NCKAP5: variants seen among roughly 807,000 people sequenced by gnomAD.
The protein encoded by NCKAP5 is nck-associated protein 5.
In NCKAP5, 92 loss-of-function variants were observed where a neutral mutation model predicts 167.0. The ratio of observed to expected loss-of-function variants is 0.55; its 90% CI spans 0.47 to 0.66. NCKAP5 has a LOEUF of 0.66. Ranked by LOEUF, NCKAP5 falls within the 30% of genes least tolerant of loss-of-function variation. NCKAP5 has a pLI of 0.00. For synonymous variants in NCKAP5, 891 were observed against 877.4 expected (o/e 1.02, Z -0.27); for missense variants, 2,378 against 2,315.0 (o/e 1.03, Z -0.56).
intron 16 of NCKAP5, among the ~76,000 whole-genome samples, chr2:132,732,737 T>C (rs1025756450): frequency 3.3e-5 from 5 of 152,224 alleles, no homozygotes; most frequent in African/African-American, 1.2e-4. Context: ...AACACATAAA[T>C]TGAAGTGACG....
rs533823912 is a variant in NCKAP5 at position 133,303,263 on chromosome 2, T to C, written c.70-153A>G. Among the ~76,000 whole-genome samples, 4 of 152,348 alleles carry C rather than the reference T, an allele frequency of 2.6e-5. No individual in the cohort carries two copies. In the South Asian group the frequency reaches 6.2e-4, roughly 24 times the overall value. ...TCTCTGCTTCTATGACTTGCAATCA[T>C]ATGTAAATACTATTTTTTCATGTCC... On this transcript the variant is annotated intron_variant, in intron 3 of 19. Transcript: ENST00000409261.
chr2:133,187,824 T>G (rs1284761592), intron 5 of NCKAP5, among the ~76,000 whole-genome samples: 2 of 152,094 alleles, frequency 1.3e-5, no homozygotes, highest in Non-Finnish European at 2.9e-5. Context: ...GTTTTCCATT[T>G]GCTTGGTAGA....
chr2:133,201,527 AGT>A (rs2085686816), intron 5 of NCKAP5, among the ~76,000 whole-genome samples: 1 of 152,202 alleles, frequency 6.6e-6, no homozygotes, highest in South Asian at 2.1e-4. Flanking sequence ...TATTACATAA[AGT>A]ATATCAATGA....
chr2:133,109,506 T>C (rs923459279), intron 6 of NCKAP5, among the ~76,000 whole-genome samples: 1 of 152,146 alleles, frequency 6.6e-6, no homozygotes, highest in Non-Finnish European at 1.5e-5. Flanking sequence ...CCGAAGGATA[T>C]ATAGGAAGTA....
intron 5 of NCKAP5, among the ~76,000 whole-genome samples, chr2:133,148,372 T>C (rs1055897020): frequency 6.6e-6 from 1 of 152,156 alleles, no homozygotes; most frequent in Non-Finnish European, 1.5e-5. Context: ...AAGAGTTTGT[T>C]ATTTAATTAA....
intron 11 of NCKAP5, among the ~76,000 whole-genome samples, chr2:132,815,695 G>GC (rs1252738698): frequency 3.3e-5 from 5 of 152,100 alleles, no homozygotes; most frequent in Non-Finnish European, 5.9e-5. Context: ...TATTCAAAAA[G>GC]CCAATGGTTG....
At chr2:133,226,999 G>A (rs1371072362) in intron 4 of NCKAP5, among the ~76,000 whole-genome samples, 1 of 152,350 alleles carries the variant, frequency 6.6e-6, no homozygotes, top group South Asian at 2.1e-4. Context: ...TCCAAGCAAA[G>A]TGTGATGTAT....
chr2:133,577,382 C>T, the NCKAP5 span, among the ~76,000 whole-genome samples: 1 of 152,144 alleles, frequency 6.6e-6, no homozygotes, highest in Non-Finnish European at 1.5e-5. Context: ...AGGAAGACCC[C>T]TATAGCATTG....
intron 11 of NCKAP5, among the ~76,000 whole-genome samples, chr2:132,858,822 A>G (rs905029287): frequency 1.2e-4 from 18 of 152,200 alleles, no homozygotes; most frequent in Non-Finnish European, 2.5e-4. Context: ...AATTTGTGAC[A>G]GCCAATGAAA....
chr2:133,277,923 G>T (rs1281183231), intron 4 of NCKAP5, among the ~76,000 whole-genome samples: 2 of 152,046 alleles, frequency 1.3e-5, no homozygotes. Context: ...GGGACAATTC[G>T]TTGGCCATTT....
intron 8 of NCKAP5, among the ~76,000 whole-genome samples, chr2:132,917,498 C>G (rs1694977198): frequency 6.6e-6 from 1 of 152,102 alleles, no homozygotes; most frequent in African/African-American, 2.4e-5. Flanking sequence ...GTTATAAAAA[C>G]TTGATAACAT....
chr2:133,368,216 G>A (rs561604585), intron 3 of NCKAP5, among the ~76,000 whole-genome samples: 147 of 152,300 alleles, frequency 9.7e-4, no homozygotes, highest in African/African-American at 3.4e-3. Flanking sequence ...ATCTGGTAAA[G>A]TGAAAATATG....
At chr2:133,200,175 C>T (rs913083182) in intron 5 of NCKAP5, among the ~76,000 whole-genome samples, 4 of 146,246 alleles carry the variant, frequency 2.7e-5, no homozygotes, top group African/African-American at 1.0e-4. Context: ...AGAGAACACA[C>T]ACTTCTCAAT....
intron 4 of NCKAP5, among the ~76,000 whole-genome samples, chr2:133,218,630 G>A (rs976632763): frequency 6.6e-6 from 1 of 152,096 alleles, no homozygotes; most frequent in Non-Finnish European, 1.5e-5. Context: ...ATTCTTAATT[G>A]TTGAAGCTTC....
At chr2:133,220,073 T>C (rs2086597230) in intron 4 of NCKAP5, among the ~76,000 whole-genome samples, 1 of 152,212 alleles carries the variant, frequency 6.6e-6, no homozygotes, top group South Asian at 2.1e-4. Flanking sequence ...TAAAGAATGC[T>C]GGATTTGCAA....
Position 133,440,544 on chromosome 2 carries a change from AC to A in NCKAP5, c.69+76913del, listed in dbSNP as rs534779764. Reference sequence around the variant, plus strand: ...GCTAACACGGTGAAACTCCATCTTTACTAAAAATACAAAAAATTAGCCAGGC... The same window carrying A: ...GCTAACACGGTGAAACTCCATCTTTATAAAAATACAAAAAATTAGCCAGGC... On this transcript the variant is annotated intron_variant, in intron 3 of 19. Coordinates refer to ENST00000409261, the MANE Select transcript of NCKAP5 (RefSeq NM_207363.3). Among the ~76,000 whole-genome samples, 255 of 151,876 alleles carry A rather than the reference AC, an allele frequency of 1.7e-3. 1 individual carries two copies. The highest frequency in any genetic ancestry group is 5.7e-3 in the African/African-American group (236 of 41,390).
chr2:132,839,172 T>A (rs1277408953), intron 11 of NCKAP5, among the ~76,000 whole-genome samples: 3 of 152,164 alleles, frequency 2.0e-5, no homozygotes, highest in Non-Finnish European at 4.4e-5. Context: ...ATGTTAGGAT[T>A]TTCAAAAATC....
chr2:132,818,397 C>T lies in NCKAP5; in HGVS notation c.808-21668G>A, dbSNP rs181878555. Among the ~76,000 whole-genome samples, 1,068 of 152,266 alleles carry T rather than the reference C, an allele frequency of 7.0e-3. 9 individuals carry two copies. The highest frequency in any genetic ancestry group is 0.01 in the Middle Eastern group (3 of 294). On this transcript the variant is annotated intron_variant, in intron 11 of 19. Coordinates refer to ENST00000409261, the MANE Select transcript of NCKAP5 (RefSeq NM_207363.3). The stretch of plus-strand genomic sequence containing the variant: ...GACCTCAGGAATCCATGAATAGGGC[C>T]GGGTGCACTGGCTCATGCCTGTAAT...
chr2:132,936,113 C>A (rs1696832727), intron 8 of NCKAP5, among the ~76,000 whole-genome samples: 1 of 151,816 alleles, frequency 6.6e-6, no homozygotes. Context: ...TCCCAAGTAA[C>A]TGGGATTACA....
Sources: allele counts gnomAD v4.1 joint callset (sites outside exome capture counted in the v4.1 genomes callset), GRCh38; gene constraint gnomAD v4.1.1; transcripts MANE v1.5; gene names NCBI Gene and HGNC (gene_info 2026-07-23, HGNC 2026-07-21).